The following SMKR1 variants were observed in gnomAD, a reference collection of about 807,000 sequenced individuals.
SMKR1 encodes small lysine rich protein 1.
Under a neutral mutation model 4.0 loss-of-function variants are expected in SMKR1, and 4 were observed. That is an observed-to-expected ratio of 1.00 (90% CI 0.49 to 2.30). The LOEUF (loss-of-function observed/expected upper bound fraction) is 2.30, where lower values mean the gene tolerates loss of function less well. Ranked by LOEUF, SMKR1 falls within the 30% of genes most tolerant of loss-of-function variation. The probability of loss-of-function intolerance (pLI) is 0.02; values close to 1 mark genes in which losing one functional copy is unlikely to be tolerated. For synonymous variants in SMKR1, 38 were observed against 32.5 expected (o/e 1.17, Z -0.58); for missense variants, 56 against 81.8 (o/e 0.68, Z 1.22).
chr7:129,509,729 C>T lies in SMKR1; in HGVS notation c.4-2518C>T, dbSNP rs191549216. Among the ~76,000 whole-genome samples the T allele has an allele frequency of 2.4e-3, 359 of 152,132 alleles. 1 individual carries two copies. The highest frequency in any genetic ancestry group is 8.1e-3 in the African/African-American group (334 of 41,490). On this transcript the variant is annotated intron_variant, in intron 1 of 1. Coordinates refer to ENST00000462322, the MANE Select transcript of SMKR1 (RefSeq NM_001195243.2). ...CTAATTTTTGTATTTTTAGTAGAGACGGGGTTTCACCATGTTGGCCAGGCT... is the reference window on the plus strand; with the variant it reads ...CTAATTTTTGTATTTTTAGTAGAGATGGGGTTTCACCATGTTGGCCAGGCT...
chr7:129,503,396 T>TA (rs1799431359), intron 1 of SMKR1, among the ~76,000 whole-genome samples: 1 of 152,196 alleles, frequency 6.6e-6, no homozygotes, highest in Non-Finnish European at 1.5e-5. Context: ...TCTGCTAAAC[T>TA]AAGTACTGCA....
At chr7:129,511,056 C>T (rs561646498) in intron 1 of SMKR1, among the ~76,000 whole-genome samples, 18 of 152,266 alleles carry the variant, frequency 1.2e-4, no homozygotes, top group East Asian at 1.9e-4. Flanking sequence ...GTGATCCACC[C>T]GCCTTGGCCT....
chr7:129,509,063 C>T (rs1303103845), intron 1 of SMKR1, among the ~76,000 whole-genome samples: 2 of 152,138 alleles, frequency 1.3e-5, no homozygotes, highest in African/African-American at 4.8e-5. Flanking sequence ...GCCTATAATC[C>T]CAGCACTTTG....
Position 129,512,309 on chromosome 7 carries a change from A to G in SMKR1, c.66A>G (p.Pro22=), listed in dbSNP as rs1312983128. Residue 22 remains proline, a synonymous_variant, in exon 2 of 2, where the codon CCA becomes CCG. Coordinates refer to ENST00000462322, the MANE Select transcript of SMKR1 (RefSeq NM_001195243.2). Reference sequence around the variant, plus strand: ...CTCATGGGAAGAAACAGAAGAAACCAGAAGTGGACATTCTCAGCCCCGCGG... The same window carrying G: ...CTCATGGGAAGAAACAGAAGAAACCGGAAGTGGACATTCTCAGCCCCGCGG... ...GKSHGKKQKK[P]EVDILSPAAM... is the part of the protein sequence containing the mutation. 6 of 1,535,708 alleles carry G rather than the reference A, an allele frequency of 3.9e-6. No individual in the cohort carries two copies. The South Asian group carries it at 4.8e-5, about 12-fold the overall frequency.
At chr7:129,503,152 C>T (rs768722256) in intron 1 of SMKR1, among the ~76,000 whole-genome samples, 2 of 151,792 alleles carry the variant, frequency 1.3e-5, no homozygotes, top group Non-Finnish European at 2.9e-5. Flanking sequence ...CCCACAGTGA[C>T]GGGTCCGAGC....
intron 1 of SMKR1, among the ~76,000 whole-genome samples, chr7:129,504,992 T>C (rs987466107): frequency 6.6e-6 from 1 of 152,246 alleles, no homozygotes; most frequent in Non-Finnish European, 1.5e-5. Flanking sequence ...TGGGACACAG[T>C]AGATTTTTGT....
rs888700608 is a variant in SMKR1, at chr7:129,512,732, G to T, written c.*291G>T. On this transcript the variant is annotated 3_prime_UTR_variant, in exon 2 of 2. Coordinates refer to ENST00000462322, the MANE Select transcript of SMKR1 (RefSeq NM_001195243.2). ...CTTTCAGAAATTATTATAATTCTGG[G>T]TCAGGATTAAACTTTGCTCTCAGAA... 1 of 267,016 alleles carries T rather than the reference G, an allele frequency of 3.7e-6. No individual in the cohort carries two copies. The allele number at this position is 267,016 out of a possible 1,614,324, so 16.5% of individuals were successfully genotyped here.
intron 1 of SMKR1, among the ~76,000 whole-genome samples, chr7:129,508,119 G>A (rs1392076891): frequency 6.6e-6 from 1 of 152,130 alleles, no homozygotes. Flanking sequence ...TTTTCTTGTA[G>A]AAGTATTGTA....
rs1041032732 is a variant in SMKR1 at position 129,512,780 on chromosome 7, GT to G, written c.*343del. The G allele has an allele frequency of 3.7e-5, 7 of 188,640 alleles. No homozygotes were observed. Among genetic ancestry groups the G allele is most frequent in the Non-Finnish European group, 7.5e-5 (7 of 93,256 alleles). The allele number at this position is 188,640 out of a possible 1,614,324, so 11.7% of individuals were successfully genotyped here. On this transcript the variant is annotated 3_prime_UTR_variant, in exon 2 of 2. Coordinates refer to ENST00000462322, the MANE Select transcript of SMKR1 (RefSeq NM_001195243.2). The stretch of plus-strand genomic sequence containing the variant: ...GAAGGCAGTTCTAGTTGCATTAATT[GT>G]TTTCTTTTGCCAAAGAGCGTTTGTC...
At chr7:129,503,885 T>C (rs757971862) in intron 1 of SMKR1, among the ~76,000 whole-genome samples, 1 of 141,978 alleles carries the variant, frequency 7.0e-6, no homozygotes, top group Non-Finnish European at 1.5e-5. Flanking sequence ...TGGAGTACAG[T>C]GGTGTGATCA....
At position 129,503,229 on chromosome 7, in the gene SMKR1, CAG is replaced by C. The variant is rs771121016; in HGVS notation, c.3+407_3+408del. ...TCCACTGCTCTGCAGACTCAGGAAG[CAG>C]AGAGTGAGCCTGGTACCACCACCTT... On this transcript the variant is annotated intron_variant, in intron 1 of 1. Coordinates refer to ENST00000462322, the MANE Select transcript of SMKR1 (RefSeq NM_001195243.2). Among the ~76,000 whole-genome samples, 91 of 151,734 alleles carry C rather than the reference CAG, an allele frequency of 6.0e-4. 1 individual carries two copies. Among genetic ancestry groups the C allele is most frequent in the Admixed American group, 2.8e-3 (43 of 15,264 alleles).
At chr7:129,511,749 G>A (rs912772013) in intron 1 of SMKR1, among the ~76,000 whole-genome samples, 12 of 152,094 alleles carry the variant, frequency 7.9e-5, no homozygotes, top group Admixed American at 5.9e-4. Context: ...AATTGTTTTC[G>A]TTTGCCAAAG....
chr7:129,509,576 C>T (rs1228075058), intron 1 of SMKR1, among the ~76,000 whole-genome samples: 1 of 151,904 alleles, frequency 6.6e-6, no homozygotes, highest in African/African-American at 2.4e-5. Flanking sequence ...GAGTCTCACT[C>T]TGTCACCAGG....
intron 1 of SMKR1, among the ~76,000 whole-genome samples, chr7:129,503,377 G>A (rs1341503390): frequency 6.6e-6 from 1 of 152,206 alleles, no homozygotes; most frequent in East Asian, 1.9e-4. Flanking sequence ...CCTCAGGGAG[G>A]CATCATTGTC....
intron 1 of SMKR1, among the ~76,000 whole-genome samples, chr7:129,510,488 C>T (rs1353320639): frequency 6.6e-6 from 1 of 152,238 alleles, no homozygotes. Flanking sequence ...AATCCCAGCA[C>T]TTTGGGAGGC....
At chr7:129,504,565 T>G (rs1293402150) in intron 1 of SMKR1, among the ~76,000 whole-genome samples, 4 of 152,108 alleles carry the variant, frequency 2.6e-5, no homozygotes, top group Admixed American at 1.3e-4. Context: ...TGTTTTTTTT[T>G]TTTTAGAGAT....
At chr7:129,508,326 A>G (rs188990270) in intron 1 of SMKR1, among the ~76,000 whole-genome samples, 64 of 152,318 alleles carry the variant, frequency 4.2e-4, no homozygotes, top group African/African-American at 1.4e-3. Context: ...TCTGGACTCT[A>G]TTCTGTCCCA....
intron 1 of SMKR1, among the ~76,000 whole-genome samples, chr7:129,508,364 C>T (rs1416490524): frequency 6.6e-6 from 1 of 152,220 alleles, no homozygotes; most frequent in African/African-American, 2.4e-5. Flanking sequence ...CTTGACACCA[C>T]TATCACACCA....
rs1799422223 is a variant in SMKR1 at position 129,502,644 on chromosome 7, T to A, written c.-181T>A. ...CTGCCTCCCGAGCCGGCCGCGCTCCTCCCAGCGAGGCGTGGCGGGGAGGCG... is the reference window on the plus strand; with the variant it reads ...CTGCCTCCCGAGCCGGCCGCGCTCCACCCAGCGAGGCGTGGCGGGGAGGCG... On this transcript the variant is annotated 5_prime_UTR_variant, in exon 1 of 2. Coordinates refer to ENST00000462322, the MANE Select transcript of SMKR1 (RefSeq NM_001195243.2). 1 of 896,442 alleles carries A rather than the reference T, an allele frequency of 1.1e-6. No individual in the cohort carries two copies. The highest frequency in any genetic ancestry group is 1.6e-6 in the Non-Finnish European group (1 of 627,528). The allele number at this position is 896,442 out of a possible 1,614,324, so 55.5% of individuals were successfully genotyped here. A position where few individuals can be genotyped will look rare whatever the true frequency, so the allele number is the denominator to read the frequency against.
Sources: allele counts gnomAD v4.1 joint callset (sites outside exome capture counted in the v4.1 genomes callset), GRCh38; gene constraint gnomAD v4.1.1; transcripts MANE v1.5; gene names NCBI Gene and HGNC (gene_info 2026-07-23, HGNC 2026-07-21).